Variants in EYA1 observed in about 807,000 individuals in gnomAD.
EYA1 encodes EYA transcriptional coactivator and phosphatase 1.
EYA1 carries 16 observed loss-of-function variants against 82.0 expected under a neutral mutation model. That is an observed-to-expected ratio of 0.20 (90% CI 0.13 to 0.30). EYA1 has a LOEUF of 0.30. Ranked by LOEUF, EYA1 falls within the 10% of genes least tolerant of loss-of-function variation. EYA1 has a pLI of 1.00. For missense variants in EYA1, 633 were observed against 730.7 expected (o/e 0.87, Z 1.54); for synonymous variants, 261 against 264.4 (o/e 0.99, Z 0.12).
At position 71,317,809 on chromosome 8, in the gene EYA1, A is replaced by C. The variant is rs1822095473; in HGVS notation, c.419-120T>G. ...GCTTCCCCAATCTTATCTCAAAAAT[A>C]AAGGGTATACATGCATTCAGTGAAA... On this transcript the variant is annotated intron_variant, in intron 6 of 17. Coordinates refer to ENST00000340726, the MANE Select transcript of EYA1 (RefSeq NM_000503.6). 5 of 963,262 alleles carry C rather than the reference A, an allele frequency of 5.2e-6. No individual in the cohort carries two copies. In the African/African-American group the frequency reaches 6.4e-5, roughly 12 times the overall value. The allele number at this position is 963,262 out of a possible 1,614,324, so 59.7% of individuals were successfully genotyped here. A position where few individuals can be genotyped will look rare whatever the true frequency, so the allele number is the denominator to read the frequency against.
intron 2 of EYA1, among the ~76,000 whole-genome samples, chr8:71,526,737 T>C (rs1813846995): frequency 6.6e-6 from 1 of 152,202 alleles, no homozygotes; most frequent in African/African-American, 2.4e-5. Context: ...CGGGCCTTTG[T>C]GACCTAGTGT....
At chr8:71,450,025 T>C (rs1033791419) in intron 2 of EYA1, among the ~76,000 whole-genome samples, 16 of 152,204 alleles carry the variant, frequency 1.1e-4, no homozygotes. Context: ...TAGGGCCTTG[T>C]TCTAGAGTAG....
At chr8:71,427,382 C>A (rs909527027) in intron 2 of EYA1, among the ~76,000 whole-genome samples, 6 of 151,874 alleles carry the variant, frequency 4.0e-5, no homozygotes, top group Non-Finnish European at 8.8e-5. Context: ...TAAATGATAA[C>A]AATTAAAAAC....
intron 3 of EYA1, among the ~76,000 whole-genome samples, chr8:71,334,674 G>A (rs1824282843): frequency 6.6e-6 from 1 of 152,074 alleles, no homozygotes; most frequent in Admixed American, 6.6e-5. Context: ...CTCCAGCATG[G>A]CTAAAAAACC....
chr8:71,470,096 G>T (rs1250248121), intron 2 of EYA1, among the ~76,000 whole-genome samples: 1 of 151,992 alleles, frequency 6.6e-6, no homozygotes. Flanking sequence ...ACTAACACTG[G>T]GAAAGTGTTC....
intron 2 of EYA1, among the ~76,000 whole-genome samples, chr8:71,460,677 C>T (rs1270592162): frequency 6.6e-6 from 1 of 152,194 alleles, no homozygotes; most frequent in African/African-American, 2.4e-5. Flanking sequence ...AAAAAGTGCA[C>T]ATATTGTCTT....
At chr8:71,314,317 A>G (rs1320195089) in intron 7 of EYA1, among the ~76,000 whole-genome samples, 1 of 152,182 alleles carries the variant, frequency 6.6e-6, no homozygotes, top group Non-Finnish European at 1.5e-5. Flanking sequence ...AATATTTAAG[A>G]ACTACGTATT....
chr8:71,286,446 G>A (rs930075014), intron 9 of EYA1, among the ~76,000 whole-genome samples: 3 of 152,156 alleles, frequency 2.0e-5, no homozygotes, highest in Non-Finnish European at 4.4e-5. Flanking sequence ...AATATCTGGA[G>A]GCATGGAGCC....
intron 11 of EYA1, among the ~76,000 whole-genome samples, chr8:71,253,019 CAT>C (rs1813940260): frequency 6.6e-6 from 1 of 152,076 alleles, no homozygotes; most frequent in African/African-American, 2.4e-5. Context: ...GAATTATTGA[CAT>C]AGAGTCCAAA....
chr8:71,397,070 G>A (rs1829668332), intron 2 of EYA1, among the ~76,000 whole-genome samples: 1 of 152,030 alleles, frequency 6.6e-6, no homozygotes, highest in Non-Finnish European at 1.5e-5. Context: ...TTTGATCTTT[G>A]TTGATTTAAA....
At chr8:71,241,108 TG>T (rs900009813) in intron 12 of EYA1, among the ~76,000 whole-genome samples, 10 of 152,160 alleles carry the variant, frequency 6.6e-5, no homozygotes, top group East Asian at 1.9e-4. Flanking sequence ...ACCCTTCTCT[TG>T]GGGGGAAAAT....
intron 6 of EYA1, among the ~76,000 whole-genome samples, chr8:71,319,545 C>T (rs975150364): frequency 5.3e-5 from 8 of 152,130 alleles, no homozygotes; most frequent in African/African-American, 1.9e-4. Context: ...CCACACCTAT[C>T]TCTGTGACTT....
chr8:71,514,972 A>G (rs1438871016), intron 2 of EYA1, among the ~76,000 whole-genome samples: 1 of 152,164 alleles, frequency 6.6e-6, no homozygotes, highest in Non-Finnish European at 1.5e-5. Context: ...CAAACAGTAG[A>G]GCAAAATTTG....
chr8:71,334,073 G>GA (rs1563485807), intron 4 of EYA1, 24 bp downstream of exon 4: 2 of 1,568,424 alleles, frequency 1.3e-6, no homozygotes, highest in Non-Finnish European at 1.8e-6. Flanking sequence ...GTGTTGATGT[G>GA]AAAATCTAAT....
At chr8:71,199,817 T>C (rs533221120) in intron 17 of EYA1, among the ~76,000 whole-genome samples, 3 of 152,356 alleles carry the variant, frequency 2.0e-5, no homozygotes, top group East Asian at 3.9e-4. Context: ...CCTTAGTTAG[T>C]AGTAGTTTAC....
chr8:71,431,901 C>T (rs1361727738), intron 2 of EYA1, among the ~76,000 whole-genome samples: 1 of 152,194 alleles, frequency 6.6e-6, no homozygotes, highest in African/African-American at 2.4e-5. Flanking sequence ...ATTTGGCAAT[C>T]TGTCAAGATG....
At chr8:71,433,753 G>C (rs976793065) in intron 2 of EYA1, among the ~76,000 whole-genome samples, 3 of 152,210 alleles carry the variant, frequency 2.0e-5, no homozygotes, top group African/African-American at 7.2e-5. Context: ...AGGAGGAGGT[G>C]ACTGCTGAGG....
intron 2 of EYA1, among the ~76,000 whole-genome samples, chr8:71,382,017 T>C (rs982397108): frequency 2.6e-5 from 4 of 152,228 alleles, no homozygotes; most frequent in Admixed American, 1.3e-4. Flanking sequence ...TGCATTTTCA[T>C]TATACATCAC....
chr8:71,394,130 T>C (rs1829445323), intron 2 of EYA1, among the ~76,000 whole-genome samples: 4 of 152,204 alleles, frequency 2.6e-5, no homozygotes, highest in South Asian at 2.1e-4. Flanking sequence ...CACTTTTTGA[T>C]GGGGTTGTTT....
Sources: gnomAD v4.1 joint callset for allele counts (sites outside exome capture counted in the v4.1 genomes callset) on GRCh38, gnomAD v4.1.1 for gene constraint, MANE v1.5 for transcripts, NCBI Gene and HGNC (gene_info 2026-07-23, HGNC 2026-07-21) for gene names.